The following SH3D19 variants were observed in gnomAD, a reference collection of about 807,000 sequenced individuals.
SH3D19 encodes the protein SH3 domain-containing protein 19.
A neutral mutation model predicts 112.1 loss-of-function variants in SH3D19; 58 were observed. The ratio of observed to expected loss-of-function variants is 0.52; its 90% CI spans 0.42 to 0.64. The LOEUF is 0.64. Ranked by LOEUF, SH3D19 falls within the 30% of genes least tolerant of loss-of-function variation. The probability of loss-of-function intolerance (pLI) is 0.00; values close to 1 mark genes in which losing one functional copy is unlikely to be tolerated. For missense variants in SH3D19, 1,090 were observed against 1,263.4 expected (o/e 0.86, Z 2.08); for synonymous variants, 391 against 448.5 (o/e 0.87, Z 1.62).
chr4:151,252,912 C>T (rs541795933), intron 1 of SH3D19, among the ~76,000 whole-genome samples: 4 of 152,184 alleles, frequency 2.6e-5, no homozygotes, highest in Non-Finnish European at 5.9e-5. Context: ...GTGTGTTCTA[C>T]CTTCACAATG....
At chr4:151,260,455 T>G (rs1453808510) in intron 1 of SH3D19, among the ~76,000 whole-genome samples, 2 of 152,186 alleles carry the variant, frequency 1.3e-5, no homozygotes, top group African/African-American at 4.8e-5. Flanking sequence ...ATATTGTATC[T>G]CACTTTCCCT....
chr4:151,230,597 C>CTTT (rs201617546), intron 1 of SH3D19, among the ~76,000 whole-genome samples: 2 of 136,934 alleles, frequency 1.5e-5, no homozygotes, highest in African/African-American at 5.4e-5. Flanking sequence ...TAAAGTGAGT[C>CTTT]TTTTTTTTTT....
At chr4:151,255,207 G>A (rs867630779) in intron 1 of SH3D19, among the ~76,000 whole-genome samples, 13 of 148,702 alleles carry the variant, frequency 8.7e-5, no homozygotes, top group East Asian at 4.1e-4. Context: ...GCTGCCGGGC[G>A]GAGAGGCTCC....
rs1246826788 is a variant in SH3D19 at position 151,161,764 on chromosome 4, C to CT, written c.1643-2413dup. ...TGTTCTCACTGTTCAATTCATACCT[C>CT]TTTTTTTTTTTTTTTTTTTAGATGA... On this transcript the variant is annotated intron_variant, in intron 8 of 19. Coordinates refer to ENST00000604030, the MANE Select transcript of SH3D19 (RefSeq NM_001378122.1). Among the ~76,000 whole-genome samples, 975 of 122,496 alleles carry CT rather than the reference C, an allele frequency of 8.0e-3. 15 individuals carry two copies. The highest frequency in any genetic ancestry group is 0.026 in the African/African-American group (906 of 34,656). The allele number at this position is 122,496 out of a possible 152,430, so 80.4% of individuals were successfully genotyped here. A position where few individuals can be genotyped will look rare whatever the true frequency, so the allele number is the denominator to read the frequency against.
At chr4:151,161,783 T>A (rs12331557) in intron 8 of SH3D19, among the ~76,000 whole-genome samples, 61,757 of 136,786 alleles carry the variant, frequency 0.45, 15,638 homozygotes, top group East Asian at 0.63. Flanking sequence ...TTTTTTTTTT[T>A]AGATGAGGTC....
At chr4:151,181,320 G>T (rs1451772056) in intron 3 of SH3D19, among the ~76,000 whole-genome samples, 5 of 152,088 alleles carry the variant, frequency 3.3e-5, no homozygotes, top group African/African-American at 1.2e-4. Context: ...CAAAACTAGG[G>T]GAGGCAGGGG....
chr4:151,241,961 G>A (rs769186376), intron 1 of SH3D19, among the ~76,000 whole-genome samples: 3 of 152,038 alleles, frequency 2.0e-5, no homozygotes, highest in Admixed American at 6.5e-5. Context: ...GGGAGGCTGC[G>A]GTGTGAGGAT....
intron 1 of SH3D19, among the ~76,000 whole-genome samples, chr4:151,300,985 C>G (rs1053682247): frequency 6.6e-6 from 1 of 152,222 alleles, no homozygotes; most frequent in African/African-American, 2.4e-5. Context: ...GCTTGGGCAA[C>G]TTGTGGTGTC....
At chr4:151,194,433 A>G (rs969216037) in intron 2 of SH3D19, among the ~76,000 whole-genome samples, 3 of 152,116 alleles carry the variant, frequency 2.0e-5, no homozygotes, top group Non-Finnish European at 4.4e-5. Flanking sequence ...AAAATAAGCG[A>G]TAAAATATAG....
At chr4:151,272,463 G>C (rs1409972273) in intron 1 of SH3D19, among the ~76,000 whole-genome samples, 2 of 152,148 alleles carry the variant, frequency 1.3e-5, no homozygotes, top group African/African-American at 2.4e-5. Context: ...TTTAGGAATA[G>C]ATATTTTCTT....
rs1487545162 is a variant in SH3D19 at position 151,137,798 on chromosome 4, T to G, written c.2361A>C (p.Thr787=). ...EIVYLLEKID[T]DWYRGNCRNQ... ...TTCTACAGTTCCCTCTGTACCAATCTGTATCTATCTTCTCCAGAAGATAAA... is the reference window on the plus strand; with the variant it reads ...TTCTACAGTTCCCTCTGTACCAATCGGTATCTATCTTCTCCAGAAGATAAA... Residue 787 remains threonine, a synonymous_variant, in exon 14 of 20, where the codon ACA becomes ACC. Coordinates refer to ENST00000604030, the MANE Select transcript of SH3D19 (RefSeq NM_001378122.1). 3.1e-6 allele frequency: 5 copies of G among 1,610,894 alleles called. No individual in the cohort carries two copies. The highest frequency in any genetic ancestry group is 4.2e-6 in the Non-Finnish European group (5 of 1,178,478).
intron 1 of SH3D19, among the ~76,000 whole-genome samples, chr4:151,253,761 AAACAAC>A (rs368369876): frequency 2.7e-4 from 41 of 151,676 alleles, no homozygotes; most frequent in Non-Finnish European, 5.4e-4. Context: ...AAAAACAAGA[AAACAAC>A]AACAACAACA....
At chr4:151,282,804 A>G (rs1420899248) in intron 1 of SH3D19, among the ~76,000 whole-genome samples, 2 of 152,196 alleles carry the variant, frequency 1.3e-5, no homozygotes, top group Non-Finnish European at 2.9e-5. Context: ...GAAGCAAAAA[A>G]CATGGGAAAG....
intron 1 of SH3D19, among the ~76,000 whole-genome samples, chr4:151,318,105 G>A (rs1315102913): frequency 6.6e-6 from 1 of 151,750 alleles, no homozygotes; most frequent in Non-Finnish European, 1.5e-5. Context: ...AGACCAACCT[G>A]GCCAATATGG....
intron 1 of SH3D19, among the ~76,000 whole-genome samples, chr4:151,284,562 G>A (rs1312479017): frequency 6.6e-6 from 1 of 152,158 alleles, no homozygotes; most frequent in Non-Finnish European, 1.5e-5. Flanking sequence ...ATCAATCTGA[G>A]TTATCTCAGG....
At chr4:151,222,124 C>T (rs1768156621) in intron 2 of SH3D19, among the ~76,000 whole-genome samples, 1 of 152,066 alleles carries the variant, frequency 6.6e-6, no homozygotes, top group Non-Finnish European at 1.5e-5. Context: ...CATTTTTGAC[C>T]AGCTCTGTCA....
chr4:151,150,346 T>TATATATATAC (rs1754831836), intron 9 of SH3D19, among the ~76,000 whole-genome samples: 1 of 143,122 alleles, frequency 7.0e-6, no homozygotes, highest in African/African-American at 2.6e-5. Flanking sequence ...TACACACACA[T>TATATATATAC]ATATATATAT....
intron 2 of SH3D19, among the ~76,000 whole-genome samples, chr4:151,207,696 G>C (rs1730276776): frequency 6.6e-6 from 1 of 152,136 alleles, no homozygotes; most frequent in South Asian, 2.1e-4. Flanking sequence ...AAGCACGAAG[G>C]GATAGCACAA....
chr4:151,290,557 T>A (rs1161344292), intron 1 of SH3D19, among the ~76,000 whole-genome samples: 3 of 152,192 alleles, frequency 2.0e-5, no homozygotes, highest in African/African-American at 7.2e-5. Flanking sequence ...TGGGGATAAT[T>A]ACAAATGGGT....
Sources: gnomAD v4.1 joint callset for allele counts (sites outside exome capture counted in the v4.1 genomes callset) on GRCh38, gnomAD v4.1.1 for gene constraint, MANE v1.5 for transcripts, NCBI Gene and HGNC (gene_info 2026-07-23, HGNC 2026-07-21) for gene names.